GALNTL6: variants seen among roughly 807,000 people sequenced by gnomAD.
GALNTL6 encodes the protein polypeptide N-acetylgalactosaminyltransferase like 6.
In GALNTL6, 46 loss-of-function variants were observed where a neutral mutation model predicts 73.7. That is an observed-to-expected ratio of 0.62 (90% CI 0.49 to 0.80). The LOEUF (loss-of-function observed/expected upper bound fraction) is 0.80. Ranked by LOEUF, GALNTL6 falls within the 30% of genes least tolerant of loss-of-function variation. The pLI, the probability that GALNTL6 is intolerant of heterozygous loss-of-function variation, is 0.00. For synonymous variants in GALNTL6, 259 were observed against 263.7 expected (o/e 0.98, Z 0.17); for missense variants, 604 against 755.0 (o/e 0.80, Z 2.34).
intron 5 of GALNTL6, among the ~76,000 whole-genome samples, chr4:172,779,392 G>A (rs10866357): frequency 0.44 from 67,548 of 151,956 alleles, 17,507 homozygotes; most frequent in East Asian, 0.72. Flanking sequence ...GCACTGCCCA[G>A]CCCAGTCAGC....
chr4:172,535,371 CAATA>C (rs1314142061), intron 5 of GALNTL6, among the ~76,000 whole-genome samples: 1 of 152,080 alleles, frequency 6.6e-6, no homozygotes, highest in South Asian at 2.1e-4. Flanking sequence ...AAAATTTCTG[CAATA>C]AATAAATAAA....
intron 5 of GALNTL6, among the ~76,000 whole-genome samples, chr4:172,732,782 T>G (rs2111393971): frequency 6.6e-6 from 1 of 152,276 alleles, no homozygotes; most frequent in East Asian, 1.9e-4. Context: ...GTGACTTATC[T>G]TAGAACACAA....
chr4:171,937,796 C>A lies in GALNTL6; in HGVS notation c.138+123078C>A, dbSNP rs146618163. 5.3e-4 allele frequency among the ~76,000 whole-genome samples: 81 copies of A among 152,158 alleles called. 1 individual carries two copies. In the East Asian group the frequency reaches 0.015, roughly 29 times the overall value. ...AGTTCTGCTTGTGTCCAATGACTAG[C>A]AGGAAGAGCCCCAATTTTAGTGTTT... On this transcript the variant is annotated intron_variant, in intron 2 of 12. Transcript: ENST00000506823.
At chr4:172,408,292 T>C (rs1424123918) in intron 5 of GALNTL6, among the ~76,000 whole-genome samples, 1 of 152,064 alleles carries the variant, frequency 6.6e-6, no homozygotes, top group Non-Finnish European at 1.5e-5. Context: ...ATAGGAATGA[T>C]TGTATGCTTA....
chr4:172,792,611 G>A (rs1033135048), intron 5 of GALNTL6, among the ~76,000 whole-genome samples: 1 of 150,642 alleles, frequency 6.6e-6, no homozygotes, highest in African/African-American at 2.4e-5. Flanking sequence ...AGAGATCAGG[G>A]CTTGTTTTAG....
intron 3 of GALNTL6, among the ~76,000 whole-genome samples, chr4:172,282,515 C>G (rs1739096992): frequency 6.6e-6 from 1 of 152,028 alleles, no homozygotes; most frequent in South Asian, 2.1e-4. Context: ...GGTAAACATC[C>G]TGAGGTAAGG....
In GALNTL6 at chr4:173,021,148, G is replaced by A. The variant is rs561445282; in HGVS notation, c.1489-328G>A. Among the ~76,000 whole-genome samples, 4 of 152,038 alleles carry A rather than the reference G, an allele frequency of 2.6e-5. No individual in the cohort carries two copies. The East Asian group carries it at 7.8e-4, about 29-fold the overall frequency. On this transcript the variant is annotated intron_variant, in intron 11 of 12. Coordinates refer to ENST00000506823, the MANE Select transcript of GALNTL6 (RefSeq NM_001034845.3). ...TCTCCCCTCTGTCTTTCCTCCCTCT[G>A]TCCTCTTACTCGTTCTCCTTCAATC... is the stretch of plus-strand genomic sequence containing the variant.
At chr4:172,962,344 A>G (rs921438784) in intron 10 of GALNTL6, among the ~76,000 whole-genome samples, 1 of 152,226 alleles carries the variant, frequency 6.6e-6, no homozygotes, top group African/African-American at 2.4e-5. Flanking sequence ...TATTTAATCA[A>G]GCTAAGTAAT....
rs74478842 is a variant in GALNTL6 at position 172,972,363 on chromosome 4, A to G, written c.1371+20105A>G. On this transcript the variant is annotated intron_variant, in intron 10 of 12. Transcript: ENST00000506823. ...CTTTCCTTTCAAATGCACAAATTTAAAAGTATGTTAATGTTATAAACAAAT... is the reference window on the plus strand; with the variant it reads ...CTTTCCTTTCAAATGCACAAATTTAGAAGTATGTTAATGTTATAAACAAAT... 3.9e-3 allele frequency among the ~76,000 whole-genome samples: 592 copies of G among 152,366 alleles called. 3 individuals carry two copies. The highest frequency in any genetic ancestry group is 0.014 in the African/African-American group (565 of 41,594).
At chr4:172,464,360 A>G (rs1363268304) in intron 5 of GALNTL6, among the ~76,000 whole-genome samples, 1 of 152,136 alleles carries the variant, frequency 6.6e-6, no homozygotes, top group Non-Finnish European at 1.5e-5. Context: ...TATTTTGTGA[A>G]CATTAAGTAC....
At chr4:172,891,121 CTT>C (rs34153108) in intron 8 of GALNTL6, among the ~76,000 whole-genome samples, 3 of 142,014 alleles carry the variant, frequency 2.1e-5, no homozygotes, top group Non-Finnish European at 1.6e-5. Flanking sequence ...AAGGTTGGGC[CTT>C]TTTTTTTTTT....
At chr4:172,074,845 T>C (rs1202467921) in intron 2 of GALNTL6, among the ~76,000 whole-genome samples, 1 of 152,196 alleles carries the variant, frequency 6.6e-6, no homozygotes, top group East Asian at 1.9e-4. Context: ...GTTTTCTTGA[T>C]TGGGAAGATT....
At chr4:172,480,378 G>T (rs958772274) in intron 5 of GALNTL6, among the ~76,000 whole-genome samples, 1 of 151,692 alleles carries the variant, frequency 6.6e-6, no homozygotes, top group Non-Finnish European at 1.5e-5. Context: ...TTTAACTAAT[G>T]TAAATTCTGA....
intron 2 of GALNTL6, among the ~76,000 whole-genome samples, chr4:171,817,170 A>C (rs910718813): frequency 5.9e-5 from 9 of 152,068 alleles, no homozygotes; most frequent in African/African-American, 2.2e-4. Flanking sequence ...ACTGACAGCA[A>C]TAAGTACTGA....
In GALNTL6 at chr4:172,486,550, G is replaced by A. The variant is rs565285156; in HGVS notation, c.553+137861G>A. Reference sequence around the variant, plus strand: ...GCATTAGAAATGTTCATAAATGCCAGTCTCATTAGAAACTGTCATTCCACA... The same window carrying A: ...GCATTAGAAATGTTCATAAATGCCAATCTCATTAGAAACTGTCATTCCACA... On this transcript the variant is annotated intron_variant, in intron 5 of 12. Transcript: ENST00000506823. Among the ~76,000 whole-genome samples, 3 of 152,316 alleles carry A rather than the reference G, an allele frequency of 2.0e-5. No homozygotes were observed. The East Asian group carries it at 5.8e-4, about 29-fold the overall frequency.
chr4:171,849,975 T>G (rs1166678586), intron 2 of GALNTL6, among the ~76,000 whole-genome samples: 1 of 152,140 alleles, frequency 6.6e-6, no homozygotes, highest in Non-Finnish European at 1.5e-5. Context: ...CATTTTTTGG[T>G]TTTTGTTTGA....
chr4:172,458,620 G>C (rs1732496061), intron 5 of GALNTL6, among the ~76,000 whole-genome samples: 1 of 152,096 alleles, frequency 6.6e-6, no homozygotes, highest in South Asian at 2.1e-4. Context: ...AGAAAATCTA[G>C]AGGAATTGGA....
intron 5 of GALNTL6, among the ~76,000 whole-genome samples, chr4:172,791,738 ATG>A: frequency 6.6e-6 from 1 of 152,198 alleles, no homozygotes; most frequent in Admixed American, 6.5e-5. Context: ...TTTGGGTTCT[ATG>A]AAATGCCCCT....
chr4:172,327,087 ATAC>A (rs1561027548), intron 4 of GALNTL6, among the ~76,000 whole-genome samples: 1 of 152,080 alleles, frequency 6.6e-6, no homozygotes, highest in East Asian at 1.9e-4. Context: ...AAGTGAATAG[ATAC>A]TAATAAAAGT....
Sources: gnomAD v4.1 joint callset for allele counts (sites outside exome capture counted in the v4.1 genomes callset) on GRCh38, gnomAD v4.1.1 for gene constraint, MANE v1.5 for transcripts, NCBI Gene and HGNC (gene_info 2026-07-23, HGNC 2026-07-21) for gene names.